The following PIP4K2A variants were observed in gnomAD, a reference collection of about 807,000 sequenced individuals.
PIP4K2A encodes the protein phosphatidylinositol 5-phosphate 4-kinase type-2 alpha.
In PIP4K2A, 14 loss-of-function variants were observed where a neutral mutation model predicts 42.9. That is an observed-to-expected ratio of 0.33 (90% CI 0.22 to 0.51). The LOEUF (loss-of-function observed/expected upper bound fraction) is 0.51, where lower values mean the gene tolerates loss of function less well. Among genes scored for constraint, PIP4K2A ranks in the 20% least tolerant of loss-of-function variants. PIP4K2A has a pLI of 0.97. For synonymous variants in PIP4K2A, 192 were observed against 192.2 expected (o/e 1.00, Z 0.01); for missense variants, 434 against 519.8 (o/e 0.83, Z 1.61).
At chr10:22,658,673 C>T (rs940382641) in intron 1 of PIP4K2A, among the ~76,000 whole-genome samples, 4 of 152,136 alleles carry the variant, frequency 2.6e-5, no homozygotes, top group Admixed American at 6.5e-5. Flanking sequence ...ATGGTTGCTG[C>T]GCAGCAAAAG....
rs961530209 is a variant in PIP4K2A at position 22,535,801 on chromosome 10, T to C, written c.*1400A>G. On this transcript the variant is annotated 3_prime_UTR_variant, in exon 10 of 10. Coordinates refer to ENST00000376573, the MANE Select transcript of PIP4K2A (RefSeq NM_005028.5). ...ACTTGATTAAAAACAATCAGCACAG[T>C]TTAGGGCAATGAACTTTCATAAACC... 1 of 271,580 alleles carries C rather than the reference T, an allele frequency of 3.7e-6. No homozygotes were observed. Among genetic ancestry groups the C allele is most frequent in the Non-Finnish European group, 6.8e-6 (1 of 146,124 alleles). 16.8% of individuals were successfully genotyped at this position (271,580 alleles called of 1,614,324 possible). A position where few individuals can be genotyped will look rare whatever the true frequency, so the allele number is the denominator to read the frequency against.
intron 1 of PIP4K2A, among the ~76,000 whole-genome samples, chr10:22,710,843 T>C (rs1459355235): frequency 6.6e-6 from 1 of 152,230 alleles, no homozygotes; most frequent in Non-Finnish European, 1.5e-5. Flanking sequence ...AGATAATGTT[T>C]TCCTTTGGAT....
chr10:22,665,064 C>A (rs1403396108), intron 1 of PIP4K2A, among the ~76,000 whole-genome samples: 2 of 152,076 alleles, frequency 1.3e-5, no homozygotes, highest in Non-Finnish European at 2.9e-5. Context: ...GTATACATAT[C>A]TTTATGGATA....
chr10:22,624,809 T>C (rs1263172838), intron 1 of PIP4K2A, among the ~76,000 whole-genome samples: 2 of 152,222 alleles, frequency 1.3e-5, no homozygotes, highest in Non-Finnish European at 1.5e-5. Flanking sequence ...CAAACAGATG[T>C]TTGAAAATAT....
intron 5 of PIP4K2A, among the ~76,000 whole-genome samples, chr10:22,572,130 A>T (rs184421168): frequency 2.9e-4 from 44 of 152,318 alleles, no homozygotes; most frequent in African/African-American, 1.1e-3. Flanking sequence ...AGACCAAAAA[A>T]CTTGAGAACC....
At chr10:22,690,109 A>G (rs572659935) in intron 1 of PIP4K2A, among the ~76,000 whole-genome samples, 10 of 152,340 alleles carry the variant, frequency 6.6e-5, no homozygotes, top group African/African-American at 2.4e-4. Context: ...ACAATAATAA[A>G]TAACAGCAAA....
chr10:22,679,934 A>G (rs547120643), intron 1 of PIP4K2A, among the ~76,000 whole-genome samples: 1 of 152,272 alleles, frequency 6.6e-6, no homozygotes, highest in East Asian at 1.9e-4. Flanking sequence ...CTAAGATTAG[A>G]TTGAGAATGG....
intron 5 of PIP4K2A, 117 bp from the exon 6 acceptor site, chr10:22,568,006 C>T (rs546574776): frequency 2.7e-5 from 24 of 903,226 alleles, no homozygotes; most frequent in African/African-American, 6.5e-5. Context: ...CACTCTGCTT[C>T]GCAGCCCATG....
intron 3 of PIP4K2A, among the ~76,000 whole-genome samples, chr10:22,596,407 G>A (rs1837637216): frequency 6.6e-6 from 1 of 152,122 alleles, no homozygotes; most frequent in South Asian, 2.1e-4. Flanking sequence ...AGAACATGCA[G>A]TGAAAATAAC....
chr10:22,597,295 A>G (rs1432711761), intron 3 of PIP4K2A, among the ~76,000 whole-genome samples: 1 of 152,200 alleles, frequency 6.6e-6, no homozygotes, highest in African/African-American at 2.4e-5. Flanking sequence ...GCACTCACAC[A>G]GCGTAACACA....
chr10:22,555,860 C>A (rs1836526827), intron 6 of PIP4K2A, among the ~76,000 whole-genome samples: 1 of 147,710 alleles, frequency 6.8e-6, no homozygotes, highest in Non-Finnish European at 1.5e-5. Flanking sequence ...TTGGGCCACA[C>A]ATAGAATCAG....
intron 3 of PIP4K2A, among the ~76,000 whole-genome samples, chr10:22,592,742 C>T (rs1837541678): frequency 1.3e-5 from 2 of 152,206 alleles, no homozygotes; most frequent in African/African-American, 2.4e-5. Flanking sequence ...AATGGCCGTC[C>T]AGCCATGGGG....
At chr10:22,578,584 T>C (rs1837179006) in intron 4 of PIP4K2A, among the ~76,000 whole-genome samples, 1 of 151,998 alleles carries the variant, frequency 6.6e-6, no homozygotes, top group African/African-American at 2.4e-5. Context: ...GTCAGGGCCC[T>C]GACCTAGATG....
chr10:22,584,094 C>T (rs969296649), intron 4 of PIP4K2A, among the ~76,000 whole-genome samples: 1 of 152,208 alleles, frequency 6.6e-6, no homozygotes, highest in Non-Finnish European at 1.5e-5. Flanking sequence ...GGGCAAGTCA[C>T]TGTGTGTGAG....
intron 1 of PIP4K2A, among the ~76,000 whole-genome samples, chr10:22,618,298 TAAAGC>T (rs971902124): frequency 2.0e-5 from 3 of 152,228 alleles, no homozygotes; most frequent in African/African-American, 7.2e-5. Flanking sequence ...CTGTGGCTGA[TAAAGC>T]ACACAAGGAT....
intron 1 of PIP4K2A, among the ~76,000 whole-genome samples, chr10:22,667,189 A>G (rs1839367515): frequency 6.6e-6 from 1 of 152,240 alleles, no homozygotes; most frequent in South Asian, 2.1e-4. Flanking sequence ...ACGGTTTCAC[A>G]TGATGCTTAA....
intron 1 of PIP4K2A, among the ~76,000 whole-genome samples, chr10:22,667,615 C>T (rs774430269): frequency 4.6e-5 from 7 of 152,204 alleles, no homozygotes; most frequent in Non-Finnish European, 7.4e-5. Context: ...CACATTTATA[C>T]ACCAAGACAT....
intron 5 of PIP4K2A, among the ~76,000 whole-genome samples, chr10:22,570,437 C>G (rs1036484877): frequency 2.6e-5 from 4 of 152,212 alleles, no homozygotes; most frequent in African/African-American, 7.2e-5. Context: ...ACGAAAAGAG[C>G]TGGTGCTGGC....
chr10:22,594,939 AGCCCC>A (rs1471867806), intron 3 of PIP4K2A, among the ~76,000 whole-genome samples: 1 of 152,254 alleles, frequency 6.6e-6, no homozygotes, highest in Admixed American at 6.5e-5. Flanking sequence ...CCACGTGAGT[AGCCCC>A]AACCCACACT....
Sources: gnomAD v4.1 joint callset for allele counts (sites outside exome capture counted in the v4.1 genomes callset) on GRCh38, gnomAD v4.1.1 for gene constraint, MANE v1.5 for transcripts, NCBI Gene and HGNC (gene_info 2026-07-23, HGNC 2026-07-21) for gene names.